The following RAD54L variants were observed in gnomAD, a reference collection of about 807,000 sequenced individuals.
The protein encoded by RAD54L is RAD54 like, also known as DNA repair and recombination protein RAD54-like.
Under a neutral mutation model 91.6 loss-of-function variants are expected in RAD54L, and 74 were observed. The observed-to-expected ratio is 0.81, with a 90% CI of 0.67 to 0.98. The LOEUF is 0.98. Ranked by LOEUF, RAD54L falls within the 50% of genes least tolerant of loss-of-function variation. RAD54L has a pLI of 0.00. For synonymous variants in RAD54L, 304 were observed against 349.7 expected, an observed-to-expected ratio of 0.87 and a Z score of 1.46; for missense variants, 887 against 945.7, an observed-to-expected ratio of 0.94 and a Z score of 0.81.
rs539099790 is a variant in RAD54L at position 46,272,941 on chromosome 1, A to G, written c.1375+139A>G. On this transcript the variant is annotated intron_variant, in intron 12 of 17. Transcript: ENST00000371975. ...CCACATGTGATTCCAACCCTACCCA[A>G]GGCATGAACCCTGCATTGTGGAGTC... 38 of 1,283,914 alleles carry G rather than the reference A, an allele frequency of 3.0e-5. No homozygotes were observed. In the South Asian group the frequency reaches 4.2e-4, roughly 14 times the overall value. The allele number at this position is 1,283,914 out of a possible 1,614,324, so 79.5% of individuals were successfully genotyped here.
In RAD54L at chr1:46,267,439, G is replaced by A; in HGVS notation, c.892-20G>A. On this transcript the variant is annotated intron_variant, in intron 8 of 17. Transcript: ENST00000371975. ...TATAGGGAATGCCACATTGCGCTCT[G>A]AATAAGGATTCTCTTGCAGGGACAC... 6.2e-7 allele frequency: 1 copy of A among 1,613,582 alleles called. No homozygotes were observed. The highest frequency in any genetic ancestry group is 8.5e-7 in the Non-Finnish European group (1 of 1,179,996).
At chr1:46,272,090 T>C (rs1660448700) in intron 10 of RAD54L, among the ~76,000 whole-genome samples, 1 of 125,584 alleles carries the variant, frequency 8.0e-6, no homozygotes, top group South Asian at 2.6e-4. Context: ...TTGCCCAAGC[T>C]GGAATGCAAT....
intron 14 of RAD54L, 42 bp from the exon 15 acceptor site, chr1:46,274,096 T>C: frequency 6.5e-7 from 1 of 1,547,478 alleles, no homozygotes; most frequent in South Asian, 1.1e-5. Context: ...TTCCCCCTAA[T>C]CATTGAAGCT....
intron 3 of RAD54L, among the ~76,000 whole-genome samples, chr1:46,250,968 CA>C (rs538894200): frequency 5.6e-4 from 60 of 107,892 alleles, no homozygotes; most frequent in South Asian, 3.0e-3. Context: ...GACTCGGTCT[CA>C]AAAAAAAAAA....
chr1:46,267,380 C>T, intron 8 of RAD54L, 79 bp from the exon 9 acceptor site: 2 of 1,597,752 alleles, frequency 1.3e-6, no homozygotes, highest in South Asian at 1.1e-5. Flanking sequence ...GTTTTTGACT[C>T]CTCTTTTCCT....
chr1:46,259,914 T>C (rs534194058), intron 4 of RAD54L, 50 bp from the exon 5 acceptor site: 73 of 1,613,752 alleles, frequency 4.5e-5, no homozygotes, highest in Non-Finnish European at 5.2e-5. Flanking sequence ...CTGGGCTTGC[T>C]GGAGCTCCTA....
At position 46,271,998 on chromosome 1, in the gene RAD54L, C is replaced by T. The variant is rs1421739186; in HGVS notation, c.1170-468C>T. Among the ~76,000 whole-genome samples, 17 of 129,746 alleles carry T rather than the reference C, an allele frequency of 1.3e-4. No homozygotes were observed. In the Admixed American group the frequency reaches 1.5e-3, roughly 11 times the overall value. 85.1% of individuals were successfully genotyped at this position (129,746 alleles called of 152,430 possible). On this transcript the variant is annotated intron_variant, in intron 10 of 17. Coordinates refer to ENST00000371975, the MANE Select transcript of RAD54L (RefSeq NM_003579.4). The stretch of plus-strand genomic sequence containing the variant: ...TGTTCCCACAATTGAGACCCTGATA[C>T]AGATGTGTTTGACATAGGTCTGATG...
In RAD54L at chr1:46,274,130, C is replaced by T. The variant is rs2148302656; in HGVS notation, c.1611-8C>T. ...CTTTATTTTCTTGGGTCTCGAATCC[C>T]CCTTCAGGTACTTATACGTCCGCCT... is the stretch of plus-strand genomic sequence containing the variant. On this transcript the variant is annotated splice_region_variant and splice_polypyrimidine_tract_variant and intron_variant, in intron 14 of 17. Coordinates refer to ENST00000371975, the MANE Select transcript of RAD54L (RefSeq NM_003579.4). 1.2e-5 allele frequency: 19 copies of T among 1,609,496 alleles called. No individual in the cohort carries two copies. Among genetic ancestry groups the T allele is most frequent in the Non-Finnish European group, 1.4e-5 (17 of 1,175,926 alleles).
rs1020176839 is a variant in RAD54L, at chr1:46,273,656, G to A, written c.1519G>A (p.Val507Met). ...KMLVLDYILA[V>M]TRSRSSDKVV... ...GCTGGTCCTGGATTATATTCTGGCG[G>A]TGACCCGAAGCCGTAGCAGTGACAA... The change falls in exon 14 of 18, where the codon GTG (valine) becomes ATG (methionine). Residue 507 changes from valine (V) to methionine (M), a missense_variant. By Grantham distance (21) the Val-to-Met change is conservative. Transcript: ENST00000371975. The A allele has an allele frequency of 2.5e-6, 4 of 1,613,944 alleles. No homozygotes were observed. Among genetic ancestry groups the A allele is most frequent in the Non-Finnish European group, 3.4e-6 (4 of 1,180,016 alleles).
intron 12 of RAD54L, among the ~76,000 whole-genome samples, chr1:46,273,066 T>G (rs1452046377): frequency 6.6e-6 from 1 of 152,248 alleles, no homozygotes; most frequent in Non-Finnish European, 1.5e-5. Flanking sequence ...TGCTTGCATG[T>G]ACACACGCTC....
Position 46,248,010 on chromosome 1 carries a change from T to C in RAD54L, c.-396T>C. 1 of 352,612 alleles carries C rather than the reference T, an allele frequency of 2.8e-6. No homozygotes were observed. 21.8% of individuals were successfully genotyped at this position (352,612 alleles called of 1,614,324 possible). A position where few individuals can be genotyped will look rare whatever the true frequency, so the allele number is the denominator to read the frequency against. Reference sequence around the variant, plus strand: ...GACTTTCACCCCAGCTTCTCTCTCCTGGCCAGTGATTACCCACCCCCAATC... The same window carrying C: ...GACTTTCACCCCAGCTTCTCTCTCCCGGCCAGTGATTACCCACCCCCAATC... On this transcript the variant is annotated 5_prime_UTR_variant, in exon 1 of 18. Transcript: ENST00000371975.
chr1:46,265,921 A>G lies in RAD54L; in HGVS notation c.892-1538A>G, dbSNP rs991125865. 2.0e-5 allele frequency among the ~76,000 whole-genome samples: 3 copies of G among 152,230 alleles called. No homozygotes were observed. Among genetic ancestry groups the G allele is most frequent in the African/African-American group, 7.2e-5 (3 of 41,456 alleles). ...CTTCATCTCTAAAATGGATAATACA[A>G]TTTCCATTCGTGTGGATTACAGAAC... On this transcript the variant is annotated intron_variant, in intron 8 of 17. Coordinates refer to ENST00000371975, the MANE Select transcript of RAD54L (RefSeq NM_003579.4). This position sits in a 1 kb window ranked among gnomAD's most constrained non-coding sequence, Gnocchi z 4.8.
chr1:46,272,657 A>G lies in RAD54L; in HGVS notation c.1245-15A>G. On this transcript the variant is annotated splice_polypyrimidine_tract_variant and intron_variant, in intron 11 of 17. Coordinates refer to ENST00000371975, the MANE Select transcript of RAD54L (RefSeq NM_003579.4). Reference sequence around the variant, plus strand: ...GTGGTCTAGCTTTTTCCACTGACCCAGCTGCCTTTTTTAGGCTGACACCCC... The same window carrying G: ...GTGGTCTAGCTTTTTCCACTGACCCGGCTGCCTTTTTTAGGCTGACACCCC... The G allele has an allele frequency of 6.2e-7, 1 of 1,614,164 alleles. No individual in the cohort carries two copies. The highest frequency in any genetic ancestry group is 1.3e-5 in the African/African-American group (1 of 75,042).
At chr1:46,272,962 G>A (rs1446251512) in intron 12 of RAD54L, among the ~76,000 whole-genome samples, 160 bp downstream of exon 12, 1 of 152,140 alleles carries the variant, frequency 6.6e-6, no homozygotes, top group Non-Finnish European at 1.5e-5. Flanking sequence ...CTGCATTGTG[G>A]AGTCTGTTTA....
At position 46,260,943 on chromosome 1, in the gene RAD54L, A is replaced by T. The variant is rs747712589; in HGVS notation, c.694A>T (p.Lys232Ter). Reference sequence around the variant, plus strand: ...GAAGAACTGGTACAATGAGGTTGGGAAATGGCTCGGAGGGAGGATCCAACC... The same window carrying T: ...GAAGAACTGGTACAATGAGGTTGGGTAATGGCTCGGAGGGAGGATCCAACC... ...LVKNWYNEVG[K>*]WLGGRIQPLA... Residue 232 changes from lysine to a stop codon, truncating the protein, a stop_gained, in exon 7 of 18, where the codon AAA becomes TAA. Coordinates refer to ENST00000371975, the MANE Select transcript of RAD54L (RefSeq NM_003579.4). LOFTEE classifies it high-confidence loss of function. The T allele has an allele frequency of 5.0e-6, 8 of 1,614,032 alleles. No homozygotes were observed. The highest frequency in any genetic ancestry group is 6.8e-6 in the Non-Finnish European group (8 of 1,180,022).
At chr1:46,268,795 A>G (rs896009135) in intron 9 of RAD54L, among the ~76,000 whole-genome samples, 3 of 152,180 alleles carry the variant, frequency 2.0e-5, no homozygotes, top group African/African-American at 7.2e-5. Flanking sequence ...GTTGAGACAG[A>G]GTCTCTGTTG....
chr1:46,276,442 T>C (rs1349854162), intron 16 of RAD54L, among the ~76,000 whole-genome samples: 5 of 152,204 alleles, frequency 3.3e-5, no homozygotes, highest in African/African-American at 1.2e-4. Flanking sequence ...ATTAACGGCA[T>C]GAGCCACCAC....
At chr1:46,254,114 A>G (rs1324683451) in intron 3 of RAD54L, among the ~76,000 whole-genome samples, 1 of 151,752 alleles carries the variant, frequency 6.6e-6, no homozygotes, top group East Asian at 1.9e-4. Flanking sequence ...AGCTGGGATT[A>G]CAGGCACCCG....
Position 46,260,843 on chromosome 1 carries a change from G to A in RAD54L, c.594G>A (p.Trp198Ter). ...CGCTGCAGTGCATCACATTGATGTGGACACTTTTACGCCAGAGTCCAGAGT... is the reference window on the plus strand; with the variant it reads ...CGCTGCAGTGCATCACATTGATGTGAACACTTTTACGCCAGAGTCCAGAGT... Reference protein sequence around the residue: ...GKTLQCITLMWTLLRQSPECK... With the variant: ...GKTLQCITLM Residue 198 changes from tryptophan (W) to a stop codon, truncating the protein, a stop_gained, in exon 7 of 18, where the codon TGG becomes TGA. Transcript: ENST00000371975. LOFTEE classifies it high-confidence loss of function. The A allele has an allele frequency of 1.2e-6, 2 of 1,614,234 alleles. No individual in the cohort carries two copies. The highest frequency in any genetic ancestry group is 1.3e-5 in the African/African-American group (1 of 75,068).
Sources: gnomAD v4.1 joint callset for allele counts (sites outside exome capture counted in the v4.1 genomes callset) on GRCh38, gnomAD v4.1.1 for gene constraint, Gnocchi (gnomAD v3.1) non-coding constraint, MANE v1.5 for transcripts, NCBI Gene and HGNC (gene_info 2026-07-23, HGNC 2026-07-21) for gene names.